Variants in XKR9 observed in about 807,000 individuals in gnomAD.
XKR9 encodes XK-related protein 9.
Under a neutral mutation model 32.0 loss-of-function variants are expected in XKR9, and 32 were observed. The observed-to-expected ratio is 1.00, with a 90% CI of 0.76 to 1.34. XKR9 has a LOEUF of 1.34. Among genes scored for constraint, XKR9 ranks in the 40% most tolerant of loss-of-function variants. XKR9 has a pLI of 0.00. For synonymous variants in XKR9, 168 were observed against 143.4 expected (o/e 1.17, Z -1.22); for missense variants, 546 against 429.7 (o/e 1.27, Z -2.39).
chr8:70,987,669 G>A, the XKR9 span, among the ~76,000 whole-genome samples: 1 of 152,178 alleles, frequency 6.6e-6, no homozygotes, highest in Non-Finnish European at 1.5e-5. Context: ...AACCATTGGT[G>A]GATCTACCAT....
chr8:70,855,614 G>A, the XKR9 span, among the ~76,000 whole-genome samples: 2 of 152,206 alleles, frequency 1.3e-5, no homozygotes, highest in Non-Finnish European at 2.9e-5. Flanking sequence ...TCAGATTCAG[G>A]AAATACAGAG....
chr8:70,908,216 C>A, the XKR9 span, among the ~76,000 whole-genome samples: 4 of 152,008 alleles, frequency 2.6e-5, no homozygotes, highest in Admixed American at 2.0e-4. Flanking sequence ...TTTTACCTGA[C>A]TATCATTAAT....
chr8:70,961,791 T>A, the XKR9 span, among the ~76,000 whole-genome samples: 1 of 152,072 alleles, frequency 6.6e-6, no homozygotes, highest in Non-Finnish European at 1.5e-5. Context: ...ACTACAGGAT[T>A]TTTTTTCCTC....
chr8:70,719,650 C>CTA (rs1440182848), intron 4 of XKR9, among the ~76,000 whole-genome samples: 1 of 152,048 alleles, frequency 6.6e-6, no homozygotes, highest in East Asian at 1.9e-4. Context: ...ATCCATTGTT[C>CTA]TATATATCTG....
chr8:70,672,519 T>C (rs986391318), intron 1 of XKR9, among the ~76,000 whole-genome samples: 3 of 152,216 alleles, frequency 2.0e-5, no homozygotes, highest in African/African-American at 7.2e-5. Context: ...ATCTTTCCTA[T>C]TGTGAATAAT....
chr8:70,802,200 T>C, the XKR9 span, among the ~76,000 whole-genome samples: 1 of 152,120 alleles, frequency 6.6e-6, no homozygotes, highest in Non-Finnish European at 1.5e-5. Context: ...CCTCCCAAAG[T>C]GCTGGGATTA....
At chr8:71,065,236 T>C in the XKR9 span, among the ~76,000 whole-genome samples, 3 of 152,166 alleles carry the variant, frequency 2.0e-5, no homozygotes, top group East Asian at 1.9e-4. Context: ...CATTTGGAGA[T>C]AGGAATTTTA....
intron 3 of XKR9, among the ~76,000 whole-genome samples, chr8:70,705,826 G>A (rs1805699514): frequency 6.6e-6 from 1 of 152,106 alleles, no homozygotes; most frequent in Non-Finnish European, 1.5e-5. Flanking sequence ...GAATCAGAGA[G>A]ACCAATTATG....
chr8:70,992,467 C>T, the XKR9 span, among the ~76,000 whole-genome samples: 1 of 152,114 alleles, frequency 6.6e-6, no homozygotes, highest in Non-Finnish European at 1.5e-5. Flanking sequence ...TGGATTATTA[C>T]TTCAAGCATT....
At chr8:70,783,447 C>T (rs889501531) in intron 2 of XKR9, among the ~76,000 whole-genome samples, 9 of 152,014 alleles carry the variant, frequency 5.9e-5, no homozygotes, top group Non-Finnish European at 1.2e-4. Context: ...AGAATGGTCT[C>T]GATCTCCTGA....
At chr8:70,872,737 T>C in the XKR9 span, among the ~76,000 whole-genome samples, 1 of 152,110 alleles carries the variant, frequency 6.6e-6, no homozygotes, top group Non-Finnish European at 1.5e-5. Context: ...CTCAGCTCAC[T>C]GCAACCTCTT....
chr8:70,758,640 A>G (rs542748515), intron 2 of XKR9, among the ~76,000 whole-genome samples: 20 of 152,340 alleles, frequency 1.3e-4, no homozygotes, highest in Admixed American at 9.8e-4. Context: ...ACATTGTCCT[A>G]TGATACAATG....
At chr8:70,686,637 T>G (rs1819289986) in intron 3 of XKR9, among the ~76,000 whole-genome samples, 1 of 151,910 alleles carries the variant, frequency 6.6e-6, no homozygotes, top group African/African-American at 2.4e-5. Flanking sequence ...AGAGACAGGG[T>G]TTTACCATGT....
chr8:70,771,948 A>G (rs1003280968), intron 2 of XKR9, among the ~76,000 whole-genome samples: 14 of 152,226 alleles, frequency 9.2e-5, no homozygotes, highest in African/African-American at 3.4e-4. Flanking sequence ...AAATCCCAGG[A>G]AAATTTTCTA....
At chr8:71,011,607 T>A in the XKR9 span, among the ~76,000 whole-genome samples, 1 of 152,230 alleles carries the variant, frequency 6.6e-6, no homozygotes, top group Non-Finnish European at 1.5e-5. Flanking sequence ...GAACCTGGTA[T>A]TCAGCTAAAG....
chr8:70,689,893 T>G (rs1244927684), intron 3 of XKR9, among the ~76,000 whole-genome samples: 6 of 152,120 alleles, frequency 3.9e-5, no homozygotes, highest in Non-Finnish European at 8.8e-5. Context: ...ATAACTGAAT[T>G]CCTGTGGCCA....
chr8:70,705,286 C>A (rs544431621), intron 3 of XKR9, among the ~76,000 whole-genome samples: 1 of 152,134 alleles, frequency 6.6e-6, no homozygotes, highest in South Asian at 2.1e-4. Context: ...CAAAGTCTGT[C>A]CTTTCATGTA....
chr8:70,812,025 T>A, the XKR9 span, among the ~76,000 whole-genome samples: 1 of 152,032 alleles, frequency 6.6e-6, no homozygotes, highest in Non-Finnish European at 1.5e-5. Flanking sequence ...TGATGAACAT[T>A]GATGCAAAAA....
At chr8:70,782,440 A>G (rs910166325) in intron 2 of XKR9, among the ~76,000 whole-genome samples, 3 of 152,038 alleles carry the variant, frequency 2.0e-5, no homozygotes, top group Non-Finnish European at 4.4e-5. Context: ...TAGTTTAGAA[A>G]TGTACATTAC....
Sources: allele counts gnomAD v4.1 joint callset (sites outside exome capture counted in the v4.1 genomes callset), GRCh38; gene constraint gnomAD v4.1.1; transcripts MANE v1.5; gene names NCBI Gene and HGNC (gene_info 2026-07-23, HGNC 2026-07-21).